MYBPC1: variants seen among roughly 807,000 people sequenced by gnomAD.
The protein encoded by MYBPC1 is myosin-binding protein C, slow-type.
MYBPC1 carries 52 observed loss-of-function variants against 147.1 expected under a neutral mutation model. The ratio of observed to expected loss-of-function variants is 0.35; its 90% CI spans 0.28 to 0.45. The LOEUF is 0.45. Ranked by LOEUF, MYBPC1 falls within the 20% of genes least tolerant of loss-of-function variation. MYBPC1 has a pLI of 1.00. For missense variants in MYBPC1, 1,228 were observed against 1,440.3 expected, an observed-to-expected ratio of 0.85 and a Z score of 2.39; for synonymous variants, 477 against 475.9, an observed-to-expected ratio of 1.00 and a Z score of -0.03.
chr12:101,640,468 G>A (rs887218332), intron 10 of MYBPC1, among the ~76,000 whole-genome samples: 1 of 152,060 alleles, frequency 6.6e-6, no homozygotes, highest in African/African-American at 2.4e-5. Flanking sequence ...TAAGCTTTTC[G>A]ATTTTCTCAT....
Position 101,647,716 on chromosome 12 carries a change from G to A in MYBPC1, c.1091-329G>A, listed in dbSNP as rs7316444. On this transcript the variant is annotated intron_variant, in intron 13 of 31. Coordinates refer to ENST00000361466, the MANE Select transcript of MYBPC1 (RefSeq NM_002465.4). ...AGCCTGGCCAATGTGGTAAAATCTC[G>A]TCTCTACTGCAAATGCAAAAATTAG... Among the ~76,000 whole-genome samples, 274 of 152,198 alleles carry A rather than the reference G, an allele frequency of 1.8e-3. 1 individual carries two copies. Among genetic ancestry groups the A allele is most frequent in the African/African-American group, 6.3e-3 (260 of 41,526 alleles).
chr12:101,604,636 A>G (rs1201722750), intron 1 of MYBPC1, among the ~76,000 whole-genome samples: 5 of 152,218 alleles, frequency 3.3e-5, no homozygotes, highest in African/African-American at 1.2e-4. Context: ...GTCTTAAATT[A>G]TAGATATCAG....
rs761751170 is a variant in MYBPC1, at chr12:101,619,378, G to A, written c.103+2135G>A. Among the ~76,000 whole-genome samples the A allele has an allele frequency of 3.9e-5, 6 of 151,996 alleles. No individual in the cohort carries two copies. In the East Asian group the frequency reaches 5.8e-4, roughly 15 times the overall value. On this transcript the variant is annotated intron_variant, in intron 3 of 31. Coordinates refer to ENST00000361466, the MANE Select transcript of MYBPC1 (RefSeq NM_002465.4). ...CAATCACTCTTGTCTCCACATAATC[G>A]CACATTAATGGTTGACTCCTTTTCC...
chr12:101,644,983 C>A (rs1892768347), intron 12 of MYBPC1, among the ~76,000 whole-genome samples, 187 bp downstream of exon 12: 1 of 151,976 alleles, frequency 6.6e-6, no homozygotes. Context: ...TAAACTAAAC[C>A]TTTTTTTATG....
intron 30 of MYBPC1, 30 bp from the exon 31 acceptor site, chr12:101,684,352 T>G: frequency 6.5e-7 from 1 of 1,542,924 alleles, no homozygotes; most frequent in Non-Finnish European, 8.9e-7. Context: ...TTACGACTTC[T>G]CTCTCTCTCC....
chr12:101,632,092 C>A lies in MYBPC1; in HGVS notation c.510C>A (p.Thr170=). 6.2e-7 allele frequency: 1 copy of A among 1,614,054 alleles called. No homozygotes were observed. The highest frequency in any genetic ancestry group is 2.2e-5 in the East Asian group (1 of 44,880). Residue 170 remains threonine (T), a synonymous_variant, in exon 8 of 32, where the codon ACC becomes ACA. Transcript: ENST00000361466. ...CAGGAAATTACAGATGCGAGGTCAC[C>A]TATAAGGATAAGTTTGACAGCTGTT... ...NFAGNYRCEV[T]YKDKFDSCSF...
In MYBPC1 at chr12:101,685,808, AG is replaced by A; in HGVS notation, c.*247del. The stretch of plus-strand genomic sequence containing the variant: ...TCTTTTTCTTTCCTCCTAATGTTGA[AG>A]AGAAAAAAAAAAAAAAAAGTTTGCC... On this transcript the variant is annotated 3_prime_UTR_variant, in exon 32 of 32. Transcript: ENST00000361466. 1.3e-4 allele frequency: 74 copies of A among 551,384 alleles called. No homozygotes were observed. Among genetic ancestry groups the A allele is most frequent in the South Asian group, 4.1e-4 (13 of 31,996 alleles). 34.2% of individuals were successfully genotyped at this position (551,384 alleles called of 1,614,324 possible).
chr12:101,649,527 A>C (rs1893950916), intron 15 of MYBPC1, 101 bp downstream of exon 15: 1 of 1,335,524 alleles, frequency 7.5e-7, no homozygotes, highest in Non-Finnish European at 1.1e-6. Context: ...ATTTGCGATG[A>C]TTTTTAAGTA....
At position 101,685,896 on chromosome 12, in the gene MYBPC1, T is replaced by C. The variant is rs948736880; in HGVS notation, c.*334T>C. 3 of 455,098 alleles carry C rather than the reference T, an allele frequency of 6.6e-6. No individual in the cohort carries two copies. Among genetic ancestry groups the C allele is most frequent in the African/African-American group, 4.0e-5 (2 of 49,504 alleles). 28.2% of individuals were successfully genotyped at this position (455,098 alleles called of 1,614,324 possible). A position where few individuals can be genotyped will look rare whatever the true frequency, so the allele number is the denominator to read the frequency against. ...TTTGAAGTCAGCACTTTGGTCATTA[T>C]TATCTCTGCTCACTGTATTATACTT... On this transcript the variant is annotated 3_prime_UTR_variant, in exon 32 of 32. Coordinates refer to ENST00000361466, the MANE Select transcript of MYBPC1 (RefSeq NM_002465.4).
intron 5 of MYBPC1, 25 bp downstream of exon 5, chr12:101,627,829 T>A: frequency 6.2e-7 from 1 of 1,607,072 alleles, no homozygotes; most frequent in Non-Finnish European, 8.5e-7. Flanking sequence ...AGAGAAGGCA[T>A]CCTGACCTCA....
intron 5 of MYBPC1, chr12:101,629,172 A>T: frequency 2.2e-6 from 1 of 459,850 alleles, no homozygotes; most frequent in Non-Finnish European, 4.0e-6. Context: ...AAGAGAGAAT[A>T]ACAGCTTACC....
intron 13 of MYBPC1, 66 bp downstream of exon 13, chr12:101,646,953 C>A: frequency 6.3e-7 from 1 of 1,589,752 alleles, no homozygotes; most frequent in South Asian, 1.1e-5. Context: ...GGATAATGAT[C>A]AAAGTGAAAG....
chr12:101,661,164 C>T lies in MYBPC1; in HGVS notation c.1934C>T (p.Pro645Leu). 1 of 1,613,158 alleles carries T rather than the reference C, an allele frequency of 6.2e-7. No homozygotes were observed. Among genetic ancestry groups the T allele is most frequent in the Non-Finnish European group, 8.5e-7 (1 of 1,179,618 alleles). The change falls in exon 20 of 32, where the codon CCT (proline) becomes CTT (leucine). Residue 645 changes from proline (P) to leucine (L), a missense_variant. Physicochemically the swap from Pro to Leu is moderately conservative, Grantham distance 98 (BLOSUM62 -3). Coordinates refer to ENST00000361466, the MANE Select transcript of MYBPC1 (RefSeq NM_002465.4). ...TATTTTTTGTCTGCCACAGACTTCC[C>T]TGATCCTCCAGTGGCACCGACTGTG... ...ASIKVKVVDF[P>L]DPPVAPTVTE... is the part of the protein sequence containing the mutation.
rs116219040 is a variant in MYBPC1 at position 101,621,369 on chromosome 12, A to G, written c.103+4126A>G. On this transcript the variant is annotated intron_variant, in intron 3 of 31. Coordinates refer to ENST00000361466, the MANE Select transcript of MYBPC1 (RefSeq NM_002465.4). ...AATGTACATACTTATTGTAGGATAAATCATGGTTTTATAAGCATCAAAGTG... is the reference window on the plus strand; with the variant it reads ...AATGTACATACTTATTGTAGGATAAGTCATGGTTTTATAAGCATCAAAGTG... Among the ~76,000 whole-genome samples the G allele has an allele frequency of 8.1e-3, 1,240 of 152,346 alleles. 32 individuals carry two copies. Among genetic ancestry groups the G allele is most frequent in the African/African-American group, 0.028 (1,162 of 41,578 alleles).
At chr12:101,619,239 T>C (rs2135893350) in intron 3 of MYBPC1, among the ~76,000 whole-genome samples, 1 of 152,098 alleles carries the variant, frequency 6.6e-6, no homozygotes, top group Non-Finnish European at 1.5e-5. Context: ...TTTTTTTTTT[T>C]AACCATCCAA....
At chr12:101,609,080 G>T (rs1229763229) in intron 1 of MYBPC1, among the ~76,000 whole-genome samples, 1 of 152,026 alleles carries the variant, frequency 6.6e-6, no homozygotes, top group Non-Finnish European at 1.5e-5. Flanking sequence ...AAGGAGAAGG[G>T]CCTTGTCCTC....
At chr12:101,689,699 T>G (rs1433064169), downstream of MYBPC1, among the ~76,000 whole-genome samples, 1 of 152,136 alleles carries the variant, frequency 6.6e-6, no homozygotes, top group Non-Finnish European at 1.5e-5. Context: ...AGCTGAGACA[T>G]CCCATGATTT....
At chr12:101,630,286 A>G (rs1481649361) in intron 6 of MYBPC1, among the ~76,000 whole-genome samples, 4 of 152,130 alleles carry the variant, frequency 2.6e-5, no homozygotes, top group African/African-American at 9.7e-5. Context: ...GCTTTTTACA[A>G]CCTGAAAAGA....
chr12:101,665,263 C>T (rs1267667424), intron 22 of MYBPC1, among the ~76,000 whole-genome samples: 1 of 152,152 alleles, frequency 6.6e-6, no homozygotes, highest in Non-Finnish European at 1.5e-5. Context: ...AATTAGCTTT[C>T]TATGGGAGTT....
Sources: gnomAD v4.1 joint callset for allele counts (sites outside exome capture counted in the v4.1 genomes callset) on GRCh38, gnomAD v4.1.1 for gene constraint, MANE v1.5 for transcripts, NCBI Gene and HGNC (gene_info 2026-07-23, HGNC 2026-07-21) for gene names.